COL4A4: variants seen among roughly 807,000 people sequenced by gnomAD.
COL4A4 encodes the protein collagen type IV alpha 4 chain.
In COL4A4, 105 loss-of-function variants were observed where a neutral mutation model predicts 192.9. That is an observed-to-expected ratio of 0.54 (90% CI 0.46 to 0.64). The LOEUF (loss-of-function observed/expected upper bound fraction) is 0.64. COL4A4 is among the 30% of genes least tolerant of loss of function. The pLI is 0.00. For synonymous variants in COL4A4, 762 were observed against 769.9 expected (o/e 0.99, Z 0.17); for missense variants, 1,967 against 2,169.3 (o/e 0.91, Z 1.85).
intron 16 of COL4A4, 100 bp from the exon 17 acceptor site, chr2:227,101,657 A>G: frequency 1.6e-6 from 2 of 1,246,956 alleles, no homozygotes; most frequent in Non-Finnish European, 2.3e-6. Flanking sequence ...CACTGAGACC[A>G]TGCAAAGTCT....
chr2:227,138,309 C>A (rs935317556), intron 4 of COL4A4, among the ~76,000 whole-genome samples: 1 of 151,474 alleles, frequency 6.6e-6, no homozygotes, highest in South Asian at 2.1e-4. Flanking sequence ...CAGAGTGAGA[C>A]CCTGTCTAAA....
chr2:227,078,049 C>A lies in COL4A4; in HGVS notation c.1832G>T (p.Gly611Val), dbSNP rs2059127280. The A allele has an allele frequency of 6.2e-7, 1 of 1,613,904 alleles. No individual in the cohort carries two copies. Among genetic ancestry groups the A allele is most frequent in the African/African-American group, 1.3e-5 (1 of 74,882 alleles). Residue 611 changes from glycine (G) to valine (V), a missense_variant, in exon 25 of 48, where the codon GGT (glycine) becomes GTT (valine). Transcript: ENST00000396625. ...GCCCAGAGGTCCAGGAAATCCTTTA[C>A]CACCTGGGGTCGCATCTTCATGATC... ...PGDHEDATPG[G>V]KGFPGPLGPP...
In COL4A4 at chr2:227,153,139, A is replaced by G. The variant is rs755468637; in HGVS notation, c.-101-5555T>C. Reference sequence around the variant, plus strand: ...GATCTCATGAGACTTATTCACCACCACAAGAACAGTATGGGGCAAATCACC... The same window carrying G: ...GATCTCATGAGACTTATTCACCACCGCAAGAACAGTATGGGGCAAATCACC... On this transcript the variant is annotated intron_variant, in intron 1 of 47. Coordinates refer to ENST00000396625, the MANE Select transcript of COL4A4 (RefSeq NM_000092.5). 1.2e-4 allele frequency among the ~76,000 whole-genome samples: 18 copies of G among 152,186 alleles called. 1 individual carries two copies. Among genetic ancestry groups the G allele is most frequent in the Non-Finnish European group, 2.2e-4 (15 of 68,030 alleles).
downstream of COL4A4, among the ~76,000 whole-genome samples, chr2:227,001,118 A>G (rs1446802287): frequency 6.7e-6 from 1 of 150,046 alleles, no homozygotes; most frequent in Non-Finnish European, 1.5e-5. Context: ...TTTTTGAGAC[A>G]GAGTCTCGCT....
At chr2:227,012,135 C>CT (rs1035952377) in intron 45 of COL4A4, 46 bp downstream of exon 45, 1 of 1,445,170 alleles carries the variant, frequency 6.9e-7, no homozygotes, top group African/African-American at 1.4e-5. Context: ...GTATACAACT[C>CT]TAAGGTTTAC....
chr2:227,144,492 A>G, intron 3 of COL4A4, 24 bp downstream of exon 3: 1 of 1,596,530 alleles, frequency 6.3e-7, no homozygotes, highest in Non-Finnish European at 8.6e-7. Context: ...TCACAACGCA[A>G]CCAGAGCTAG....
At position 227,078,077 on chromosome 2, in the gene COL4A4, C is replaced by T; in HGVS notation, c.1804G>A (p.Gly602Arg). The change falls in exon 25 of 48, where the codon GGG becomes AGG. Residue 602 changes from glycine (G) to arginine (R), a missense_variant and splice_region_variant. By Grantham distance (125) the Gly-to-Arg change is moderately radical. Transcript: ENST00000396625. Reference protein sequence around the residue: ...AGEKGDPGPPGDHEDATPGGK... With the variant: ...AGEKGDPGPPRDHEDATPGGK... ...CCTGGGGTCGCATCTTCATGATCCCCCTGGGAATGTTATGTCATGAGTCAA... is the reference window on the plus strand; with the variant it reads ...CCTGGGGTCGCATCTTCATGATCCCTCTGGGAATGTTATGTCATGAGTCAA... 1.2e-6 allele frequency: 2 copies of T among 1,613,870 alleles called. No homozygotes were observed. Among genetic ancestry groups the T allele is most frequent in the South Asian group, 1.1e-5 (1 of 91,034 alleles).
chr2:227,053,792 C>T (rs980419968), intron 31 of COL4A4, among the ~76,000 whole-genome samples: 6 of 151,888 alleles, frequency 4.0e-5, no homozygotes, highest in South Asian at 2.1e-4. Context: ...ATGATCTGCC[C>T]GTCTCGGCCT....
At chr2:227,057,292 A>C in intron 29 of COL4A4, 147 bp downstream of exon 29, 1 of 963,992 alleles carries the variant, frequency 1.0e-6, no homozygotes, top group Non-Finnish European at 1.6e-6. Context: ...AAGTGATGCA[A>C]ACCAACATGA....
chr2:227,040,321 TGTTG>T (rs1228545107), intron 37 of COL4A4, among the ~76,000 whole-genome samples: 1 of 152,300 alleles, frequency 6.6e-6, no homozygotes, highest in East Asian at 1.9e-4. Context: ...AACCATCAGC[TGTTG>T]GTTCAGATAA....
chr2:227,078,695 T>A (rs541845805), intron 24 of COL4A4, among the ~76,000 whole-genome samples: 10 of 152,278 alleles, frequency 6.6e-5, no homozygotes, highest in African/African-American at 2.4e-4. Flanking sequence ...TAGAAATAAG[T>A]AGATCAAGGG....
At chr2:227,030,700 G>T in intron 40 of COL4A4, 102 bp from the exon 41 acceptor site, 1 of 851,206 alleles carries the variant, frequency 1.2e-6, no homozygotes, top group Non-Finnish European at 1.8e-6. Context: ...TGACTTGCAA[G>T]CAAGGAATAA....
chr2:227,027,628 T>C (rs1037783538), intron 42 of COL4A4, among the ~76,000 whole-genome samples: 5 of 128,342 alleles, frequency 3.9e-5, no homozygotes, highest in Non-Finnish European at 6.6e-5. Context: ...GAACTTAAAG[T>C]ATAATAAAAA....
intron 8 of COL4A4, among the ~76,000 whole-genome samples, chr2:227,113,291 T>C (rs779077580): frequency 1.3e-5 from 2 of 152,182 alleles, no homozygotes; most frequent in Non-Finnish European, 2.9e-5. Flanking sequence ...AAGAGCATTG[T>C]CTCTCAAAGG....
the COL4A4 span, chr2:226,988,428 A>T: frequency 1.3e-6 from 2 of 1,550,424 alleles, no homozygotes; most frequent in Non-Finnish European, 1.7e-6. Flanking sequence ...AGCCTGAAGC[A>T]GGCCGCAGTT....
At chr2:227,086,460 T>G (rs1468516161) in intron 22 of COL4A4, among the ~76,000 whole-genome samples, 1 of 151,056 alleles carries the variant, frequency 6.6e-6, no homozygotes, top group East Asian at 1.9e-4. Flanking sequence ...CCCCTTCTCC[T>G]CCCCCTTCCC....
chr2:227,018,584 G>A (rs549658668), intron 44 of COL4A4, among the ~76,000 whole-genome samples: 16 of 152,158 alleles, frequency 1.1e-4, no homozygotes, highest in Non-Finnish European at 2.2e-4. Flanking sequence ...GGGTGCACAG[G>A]ACAAAAAGGA....
In COL4A4 at chr2:227,008,249, G is replaced by A. The variant is rs202109186; in HGVS notation, c.4578C>T (p.Asn1526=). Residue 1526 remains asparagine, a synonymous_variant, in exon 47 of 48, where the codon AAC becomes AAT. Coordinates refer to ENST00000396625, the MANE Select transcript of COL4A4 (RefSeq NM_000092.5). ...GGGCATAGTGGCACACCTGGTGGAT[G>A]TTGCAGTAGGCAAAGGGCAGCGTGC... ...VFSTLPFAYC[N]IHQVCHYAQR... 63 of 1,614,138 alleles carry A rather than the reference G, an allele frequency of 3.9e-5. No individual in the cohort carries two copies. In the Admixed American group the frequency reaches 7.7e-4, roughly 20 times the overall value.
In COL4A4 at chr2:227,010,479, A is replaced by G; in HGVS notation, c.4356T>C (p.Asp1452=). ...CAGGGCCAAACCCTTTGGGCCCAGG[A>G]TCCCCAATGGGACCAGGAGGCCCTG... ...GGPGPPGPIG[D]PGPKGFGPGY... Residue 1452 remains aspartate (D), a synonymous_variant, in exon 46 of 48, where the codon GAT becomes GAC. Coordinates refer to ENST00000396625, the MANE Select transcript of COL4A4 (RefSeq NM_000092.5). 1 of 1,590,482 alleles carries G rather than the reference A, an allele frequency of 6.3e-7. No individual in the cohort carries two copies. Among genetic ancestry groups the G allele is most frequent in the Non-Finnish European group, 8.6e-7 (1 of 1,169,158 alleles).
Sources: gnomAD v4.1 joint callset for allele counts (sites outside exome capture counted in the v4.1 genomes callset) on GRCh38, gnomAD v4.1.1 for gene constraint, MANE v1.5 for transcripts, NCBI Gene and HGNC (gene_info 2026-07-23, HGNC 2026-07-21) for gene names.